Variants in MAP9 observed in about 807,000 individuals in gnomAD.
MAP9 encodes microtubule associated protein 9, also known as microtubule-associated protein 9.
MAP9 carries 80 observed loss-of-function variants against 75.2 expected under a neutral mutation model. That is an observed-to-expected ratio of 1.06 (90% confidence interval 0.89 to 1.28). The LOEUF (loss-of-function observed/expected upper bound fraction) is 1.28. Ranked by LOEUF, MAP9 falls within the 50% of genes most tolerant of loss-of-function variation. The pLI is 0.00. For synonymous variants in MAP9, 235 were observed against 237.3 expected, an observed-to-expected ratio of 0.99 and a Z score of 0.09; for missense variants, 753 against 719.9, an observed-to-expected ratio of 1.05 and a Z score of -0.53.
chr4:155,358,446 T>G (rs375298274), intron 7 of MAP9, among the ~76,000 whole-genome samples: 6 of 152,180 alleles, frequency 3.9e-5, no homozygotes, highest in African/African-American at 1.4e-4. Flanking sequence ...TCATCAATTT[T>G]AAGAAAAGCT....
chr4:155,353,221 TTTC>T lies in MAP9; in HGVS notation c.1497_1499del (p.Lys500del). ...TTCTTGCAGCATTTTCTTCTTCAGT[TTTC>T]TTCTTGTTTTTTTCTTCAAGCCTCT... On this transcript the variant is annotated inframe_deletion, in exon 11 of 14. Coordinates refer to ENST00000311277, the MANE Select transcript of MAP9 (RefSeq NM_001039580.2). 1 of 1,604,318 alleles carries T rather than the reference TTTC, an allele frequency of 6.2e-7. No homozygotes were observed. The highest frequency in any genetic ancestry group is 8.5e-7 in the Non-Finnish European group (1 of 1,176,580).
chr4:155,366,342 G>C (rs1732327663), intron 5 of MAP9, among the ~76,000 whole-genome samples: 1 of 143,810 alleles, frequency 7.0e-6, no homozygotes. Flanking sequence ...CTGGGCGATA[G>C]AACGAGACTC....
intron 8 of MAP9, among the ~76,000 whole-genome samples, chr4:155,356,870 TAA>T: frequency 6.6e-6 from 1 of 152,194 alleles, no homozygotes; most frequent in East Asian, 1.9e-4. Flanking sequence ...ACGATAATTT[TAA>T]AGATTCAGAA....
At position 155,355,088 on chromosome 4, in the gene MAP9, T is replaced by C; in HGVS notation, c.1363A>G (p.Arg455Gly). ...CAGAATACCTGTTCATTTTGGATCC[T>C]TAAGTTTTCACTTTCAATTCTTTTT... Reference protein sequence around the residue: ...RIKRIESENLRIQNEQKKAAK... With the variant: ...RIKRIESENLGIQNEQKKAAK... The change falls in exon 10 of 14, where the codon AGG becomes GGG. Residue 455 changes from arginine to glycine, a missense_variant. Coordinates refer to ENST00000311277, the MANE Select transcript of MAP9 (RefSeq NM_001039580.2). The C allele has an allele frequency of 7.1e-7, 1 of 1,408,730 alleles. No homozygotes were observed. Among genetic ancestry groups the C allele is most frequent in the Non-Finnish European group, 9.6e-7 (1 of 1,039,874 alleles). 87.3% of individuals were successfully genotyped at this position (1,408,730 alleles called of 1,614,324 possible).
At chr4:155,370,307 C>T (rs1244396888) in intron 4 of MAP9, among the ~76,000 whole-genome samples, 4 of 152,224 alleles carry the variant, frequency 2.6e-5, no homozygotes, top group Admixed American at 2.6e-4. Flanking sequence ...GATCACATCA[C>T]TCCTTTCTAC....
chr4:155,373,094 A>T, intron 4 of MAP9, 42 bp downstream of exon 4: 1 of 1,350,738 alleles, frequency 7.4e-7, no homozygotes, highest in South Asian at 1.6e-5. Flanking sequence ...ATCTTAAAAT[A>T]AACTTCCAAG....
chr4:155,367,072 C>T (rs1732363067), intron 5 of MAP9, among the ~76,000 whole-genome samples: 1 of 152,120 alleles, frequency 6.6e-6, no homozygotes, highest in Admixed American at 6.6e-5. Flanking sequence ...CAGAGTTTAT[C>T]CCGGGAATGC....
At chr4:155,372,039 T>G (rs1272505223) in intron 4 of MAP9, among the ~76,000 whole-genome samples, 2 of 152,198 alleles carry the variant, frequency 1.3e-5, no homozygotes, top group African/African-American at 4.8e-5. Flanking sequence ...ATTTTTAGCT[T>G]CCTCATCATG....
intron 5 of MAP9, among the ~76,000 whole-genome samples, chr4:155,366,115 C>A (rs1290321530): frequency 6.6e-6 from 1 of 152,044 alleles, no homozygotes; most frequent in Non-Finnish European, 1.5e-5. Flanking sequence ...AATCCCAACA[C>A]CTTGGGAGGC....
At chr4:155,374,812 G>C in intron 3 of MAP9, 125 bp downstream of exon 3, 2 of 467,576 alleles carry the variant, frequency 4.3e-6, no homozygotes, top group Admixed American at 3.7e-5. Context: ...TCTAAAATTA[G>C]TGAATGCTTA....
chr4:155,362,234 G>C, intron 5 of MAP9, 93 bp from the exon 6 acceptor site: 1 of 780,360 alleles, frequency 1.3e-6, no homozygotes, highest in Non-Finnish European at 2.0e-6. Context: ...AATTGAAATA[G>C]TGCATAACTC....
In MAP9 at chr4:155,362,161, T is replaced by A. The variant is rs371126994; in HGVS notation, c.709-20A>T. 6 of 1,358,160 alleles carry A rather than the reference T, an allele frequency of 4.4e-6. No individual in the cohort carries two copies. The South Asian group carries it at 8.1e-5, about 18-fold the overall frequency. The allele number at this position is 1,358,160 out of a possible 1,614,324, so 84.1% of individuals were successfully genotyped here. On this transcript the variant is annotated intron_variant, in intron 5 of 13. Coordinates refer to ENST00000311277, the MANE Select transcript of MAP9 (RefSeq NM_001039580.2). ...TGAATCCTGTTTTCGCAAAAAAAAA[T>A]ACATTTGCCACATAAGTTTAATAAT...
chr4:155,354,756 T>A (rs1731688696), intron 10 of MAP9, among the ~76,000 whole-genome samples: 2 of 152,166 alleles, frequency 1.3e-5, no homozygotes, highest in Non-Finnish European at 2.9e-5. Context: ...TGAGCCACAG[T>A]ACCTGGCCTT....
intron 4 of MAP9, among the ~76,000 whole-genome samples, chr4:155,371,137 GT>G (rs1732573467): frequency 6.6e-6 from 1 of 152,126 alleles, no homozygotes; most frequent in Admixed American, 6.5e-5. Context: ...TGTCACTTCA[GT>G]AGTGACTATA....
intron 7 of MAP9, among the ~76,000 whole-genome samples, chr4:155,358,403 GAT>G (rs1172116133): frequency 6.6e-6 from 1 of 152,136 alleles, no homozygotes; most frequent in Non-Finnish European, 1.5e-5. Context: ...AGCTAAGGAT[GAT>G]ATACCTGGAA....
intron 5 of MAP9, chr4:155,368,321 A>G (rs1732420037): frequency 1.6e-5 from 9 of 566,426 alleles, no homozygotes; most frequent in Admixed American, 3.3e-5. Context: ...AAACTCTACA[A>G]TCACTGGTGT....
intron 13 of MAP9, chr4:155,350,364 C>A: frequency 3.3e-6 from 1 of 300,918 alleles, no homozygotes; most frequent in South Asian, 3.0e-5. Context: ...GTTATTTTGT[C>A]TTTGGTCTTT....
Position 155,344,059 on chromosome 4 carries a change from T to G in MAP9, c.*3724A>C, listed in dbSNP as rs1398430196. The G allele has an allele frequency of 6.6e-6, 1 of 152,008 alleles. No individual in the cohort carries two copies. Among genetic ancestry groups the G allele is most frequent in the Non-Finnish European group, 1.5e-5 (1 of 67,870 alleles). 9.4% of individuals were successfully genotyped at this position (152,008 alleles called of 1,614,324 possible). A position where few individuals can be genotyped will look rare whatever the true frequency, so the allele number is the denominator to read the frequency against. On this transcript the variant is annotated 3_prime_UTR_variant, in exon 14 of 14. Transcript: ENST00000311277. ...GGAAATCTAAGTTTCTTTTACTAGT[T>G]TATTCTTGGGAATGATTATAACTAA... is the stretch of plus-strand genomic sequence containing the variant.
chr4:155,370,548 T>C (rs989365457), intron 4 of MAP9, among the ~76,000 whole-genome samples: 8 of 152,186 alleles, frequency 5.3e-5, no homozygotes, highest in African/African-American at 1.9e-4. Context: ...CTGCCTAGAA[T>C]ATCCACTTCC....
Sources: allele counts gnomAD v4.1 joint callset (sites outside exome capture counted in the v4.1 genomes callset), GRCh38; gene constraint gnomAD v4.1.1; transcripts MANE v1.5; gene names NCBI Gene and HGNC (gene_info 2026-07-23, HGNC 2026-07-21).